The following PTPRN2 variants were observed in gnomAD, a reference collection of about 807,000 sequenced individuals.
The protein encoded by PTPRN2 is receptor-type tyrosine-protein phosphatase N2.
Under a neutral mutation model 118.8 loss-of-function variants are expected in PTPRN2, and 74 were observed. The observed-to-expected ratio is 0.62, with a 90% CI of 0.52 to 0.76. PTPRN2 has a LOEUF of 0.76. PTPRN2 is among the 30% of genes least tolerant of loss of function. The pLI, the probability that PTPRN2 is intolerant of heterozygous loss-of-function variation, is 0.00. For synonymous variants in PTPRN2, 641 were observed against 608.0 expected (o/e 1.05, Z -0.80); for missense variants, 1,481 against 1,394.4 (o/e 1.06, Z -0.99).
At chr7:158,246,182 C>T (rs1796235352) in intron 3 of PTPRN2, among the ~76,000 whole-genome samples, 1 of 151,782 alleles carries the variant, frequency 6.6e-6, no homozygotes, top group Admixed American at 6.6e-5. Context: ...ACACCTTTCT[C>T]GTAAGCTTCT....
chr7:158,534,274 G>A (rs1431622586), intron 1 of PTPRN2, among the ~76,000 whole-genome samples: 7 of 135,086 alleles, frequency 5.2e-5, no homozygotes, highest in African/African-American at 1.1e-4. Context: ...CCCGGGCTCC[G>A]TCAGGGATGG....
chr7:158,010,372 A>G (rs1369246), intron 11 of PTPRN2, among the ~76,000 whole-genome samples: 134,538 of 152,208 alleles, frequency 0.88, 59,596 homozygotes, highest in African/African-American at 0.93. Context: ...TGTGTTTAAA[A>G]GTGTGTTAAC....
intron 1 of PTPRN2, among the ~76,000 whole-genome samples, chr7:158,583,683 T>C (rs1229179764): frequency 6.6e-6 from 1 of 152,206 alleles, no homozygotes; most frequent in African/African-American, 2.4e-5. Context: ...GAACCCATTG[T>C]CTGGCACCTC....
chr7:157,844,038 C>T (rs960909035), intron 12 of PTPRN2, among the ~76,000 whole-genome samples: 5 of 152,022 alleles, frequency 3.3e-5, no homozygotes, highest in African/African-American at 1.2e-4. Flanking sequence ...GCGGCGCAGG[C>T]CCCTCCACGT....
chr7:158,229,777 T>C (rs118095790), intron 3 of PTPRN2, among the ~76,000 whole-genome samples: 8,756 of 152,026 alleles, frequency 0.058, 357 homozygotes, highest in South Asian at 0.13. Context: ...ATAAGAATGA[T>C]TGATGTTCAA....
intron 6 of PTPRN2, among the ~76,000 whole-genome samples, chr7:158,164,393 G>A (rs1432823775): frequency 5.3e-5 from 2 of 37,718 alleles, no homozygotes; most frequent in Non-Finnish European, 7.5e-5. Context: ...GGAAGGACAC[G>A]CAGAGCAGGA....
At chr7:158,518,268 G>A (rs550260720) in intron 1 of PTPRN2, among the ~76,000 whole-genome samples, 1 of 152,242 alleles carries the variant, frequency 6.6e-6, no homozygotes, top group African/African-American at 2.4e-5. Context: ...ATTTCACAGG[G>A]TGGGAGAAGG....
intron 12 of PTPRN2, among the ~76,000 whole-genome samples, chr7:157,796,518 G>C (rs1804877283): frequency 2.6e-5 from 4 of 152,206 alleles, no homozygotes; most frequent in Admixed American, 2.6e-4. Flanking sequence ...GAGAAGAGAA[G>C]GAAACGTTAA....
chr7:158,137,515 G>A (rs1362984212), intron 7 of PTPRN2, among the ~76,000 whole-genome samples: 1 of 152,172 alleles, frequency 6.6e-6, no homozygotes, highest in African/African-American at 2.4e-5. Flanking sequence ...CCTGGAGACA[G>A]CACGCACACC....
At chr7:157,670,434 G>A (rs951527575) in intron 13 of PTPRN2, among the ~76,000 whole-genome samples, 5 of 152,212 alleles carry the variant, frequency 3.3e-5, no homozygotes, top group African/African-American at 1.2e-4. Context: ...GACATTGGAA[G>A]GAAACACAGA....
intron 12 of PTPRN2, among the ~76,000 whole-genome samples, chr7:157,783,913 G>A (rs1803847683): frequency 1.3e-5 from 2 of 152,162 alleles, no homozygotes; most frequent in Admixed American, 1.3e-4. Context: ...TCTTTCCAGA[G>A]GGCTGGGAGG....
In PTPRN2 at chr7:157,987,471, GT is replaced by G. The variant is rs1452961070; in HGVS notation, c.1724-88735del. Among the ~76,000 whole-genome samples the G allele has an allele frequency of 1.2e-4, 19 of 152,082 alleles. No homozygotes were observed. Among genetic ancestry groups the G allele is most frequent in the African/African-American group, 4.6e-4 (19 of 41,398 alleles). On this transcript the variant is annotated intron_variant, in intron 11 of 22. Coordinates refer to ENST00000389418, the MANE Select transcript of PTPRN2 (RefSeq NM_002847.5). The surrounding 1 kb of genome is among the most constrained non-coding windows in gnomAD (Gnocchi z 4.3). ...GTCATTAATGGGGGCGTAGTGTCCG[GT>G]CACTAATAGGGTGTGATGACCTGTC...
At chr7:158,147,433 C>T (rs79839245) in intron 6 of PTPRN2, among the ~76,000 whole-genome samples, 4 of 42,502 alleles carry the variant, frequency 9.4e-5, no homozygotes, top group Admixed American at 2.9e-4. Context: ...TCATGCCACA[C>T]GTCTTTCCCC....
At chr7:158,313,599 G>A (rs867352314) in intron 3 of PTPRN2, among the ~76,000 whole-genome samples, 131 of 152,064 alleles carry the variant, frequency 8.6e-4, no homozygotes, top group African/African-American at 2.9e-3. Flanking sequence ...TCCACATGGG[G>A]CTGCCTGGGA....
intron 2 of PTPRN2, among the ~76,000 whole-genome samples, chr7:158,414,366 C>A (rs1331549491): frequency 2.6e-5 from 4 of 151,356 alleles, no homozygotes; most frequent in Non-Finnish European, 5.9e-5. Flanking sequence ...CCCCAAAGGA[C>A]GGATCCAGGA....
chr7:158,301,289 A>T (rs967305533), intron 3 of PTPRN2, among the ~76,000 whole-genome samples: 2 of 152,120 alleles, frequency 1.3e-5, no homozygotes, highest in African/African-American at 4.8e-5. Context: ...CGACCAACTC[A>T]GCTGTCCCGA....
chr7:158,474,568 C>T (rs566272056), intron 2 of PTPRN2, among the ~76,000 whole-genome samples: 3 of 152,352 alleles, frequency 2.0e-5, no homozygotes, highest in East Asian at 1.9e-4. Flanking sequence ...TGTGCCCGCC[C>T]AAACTACGGG....
chr7:158,471,718 AAC>A (rs1554512137), intron 2 of PTPRN2, among the ~76,000 whole-genome samples: 18 of 144,798 alleles, frequency 1.2e-4, no homozygotes, highest in Admixed American at 2.2e-4. Flanking sequence ...ACAAAAAAAA[AAC>A]CTTACTAACA....
chr7:158,526,189 A>C lies in PTPRN2; in HGVS notation c.113-36404T>G, dbSNP rs979007614. The stretch of plus-strand genomic sequence containing the variant: ...CAGACACACGGCTCCTGGTGTTGGC[A>C]GGGTGCCGGCGGAATCCAGGGCAGG... On this transcript the variant is annotated intron_variant, in intron 1 of 22. Coordinates refer to ENST00000389418, the MANE Select transcript of PTPRN2 (RefSeq NM_002847.5). This position sits in a 1 kb window ranked among gnomAD's most constrained non-coding sequence, Gnocchi z 5.2. 7.5e-4 allele frequency among the ~76,000 whole-genome samples: 114 copies of C among 152,150 alleles called. No homozygotes were observed. Among genetic ancestry groups the C allele is most frequent in the African/African-American group, 2.6e-3 (107 of 41,442 alleles).
Sources: allele counts gnomAD v4.1 joint callset (sites outside exome capture counted in the v4.1 genomes callset), GRCh38; gene constraint gnomAD v4.1.1; non-coding constraint Gnocchi (gnomAD v3.1); transcripts MANE v1.5; gene names NCBI Gene and HGNC (gene_info 2026-07-23, HGNC 2026-07-21).